ADAM10: variants seen among roughly 807,000 people sequenced by gnomAD.
ADAM10 encodes the protein ADAM metallopeptidase domain 10, also known as disintegrin and metalloproteinase domain-containing protein 10.
Under a neutral mutation model 90.1 loss-of-function variants are expected in ADAM10, and 17 were observed. The observed-to-expected ratio is 0.19, with a 90% CI of 0.13 to 0.28. The LOEUF is 0.28. ADAM10 is among the 10% of genes least tolerant of loss of function. The pLI is 1.00. For synonymous variants in ADAM10, 310 were observed against 298.6 expected, an observed-to-expected ratio of 1.04 and a Z score of -0.40; for missense variants, 610 against 914.3, an observed-to-expected ratio of 0.67 and a Z score of 4.29.
chr15:58,723,686 C>T (rs971814250), intron 1 of ADAM10, among the ~76,000 whole-genome samples: 7 of 152,040 alleles, frequency 4.6e-5, no homozygotes, highest in African/African-American at 1.4e-4. Flanking sequence ...GCCTGGGCAA[C>T]AACAGTGAGC....
intron 2 of ADAM10, among the ~76,000 whole-genome samples, chr15:58,693,604 A>C (rs1311737527): frequency 6.6e-6 from 1 of 152,208 alleles, no homozygotes; most frequent in East Asian, 1.9e-4. Flanking sequence ...ATACAGACTT[A>C]CATGTAAAAC....
chr15:58,691,643 C>A, intron 2 of ADAM10: 1 of 403,232 alleles, frequency 2.5e-6, no homozygotes. Context: ...CTTCTGCCAG[C>A]CCAGAGAAGC....
At chr15:58,669,149 T>C (rs8035960) in intron 4 of ADAM10, among the ~76,000 whole-genome samples, 43,230 of 152,024 alleles carry the variant, frequency 0.28, 8,786 homozygotes, top group African/African-American at 0.57. Flanking sequence ...ATAAATGACA[T>C]AGAACATGCA....
intron 8 of ADAM10, among the ~76,000 whole-genome samples, chr15:58,639,694 A>C (rs1299111042): frequency 6.6e-6 from 1 of 152,224 alleles, no homozygotes; most frequent in Non-Finnish European, 1.5e-5. Context: ...ACATTTTAAA[A>C]CATAGAAGAA....
At chr15:58,617,789 T>A (rs1238846246) in intron 11 of ADAM10, among the ~76,000 whole-genome samples, 1 of 151,812 alleles carries the variant, frequency 6.6e-6, no homozygotes, top group African/African-American at 2.4e-5. Context: ...TCAATCTCAT[T>A]TATAATAGCT....
chr15:58,717,161 T>C (rs1197004306), intron 2 of ADAM10, among the ~76,000 whole-genome samples: 1 of 116,062 alleles, frequency 8.6e-6, no homozygotes, highest in Non-Finnish European at 2.0e-5. Flanking sequence ...GCAGGTAATC[T>C]GTCTACCAGC....
At chr15:58,653,477 T>C (rs554765967) in intron 5 of ADAM10, among the ~76,000 whole-genome samples, 56 of 152,322 alleles carry the variant, frequency 3.7e-4, no homozygotes, top group African/African-American at 1.3e-3. Flanking sequence ...GAAATTATCG[T>C]ATAAGTTTTG....
At chr15:58,748,919 C>G (rs1899881573) in intron 1 of ADAM10, 2 of 398,614 alleles carry the variant, frequency 5.0e-6, no homozygotes, top group Middle Eastern at 6.2e-4. Flanking sequence ...CGGTCAGGAC[C>G]GGCGCGCCGG....
chr15:58,690,796 A>G (rs746133925), intron 2 of ADAM10, among the ~76,000 whole-genome samples: 3 of 152,246 alleles, frequency 2.0e-5, no homozygotes, highest in Non-Finnish European at 4.4e-5. Context: ...GAACAGCAGC[A>G]CTGAGTTCCT....
At chr15:58,646,327 C>T (rs755242488) in intron 5 of ADAM10, 123 bp from the exon 6 acceptor site, 31 of 1,020,926 alleles carry the variant, frequency 3.0e-5, no homozygotes, top group Non-Finnish European at 4.5e-5. Flanking sequence ...GGTATTTCTG[C>T]TGCCATTAAA....
chr15:58,638,263 C>A (rs1259947203), intron 8 of ADAM10, among the ~76,000 whole-genome samples: 1 of 152,018 alleles, frequency 6.6e-6, no homozygotes, highest in Admixed American at 6.5e-5. Context: ...AATGGGGATA[C>A]AAAGTTGACA....
At chr15:58,636,221 G>A (rs1896246306) in intron 8 of ADAM10, among the ~76,000 whole-genome samples, 2 of 151,428 alleles carry the variant, frequency 1.3e-5, no homozygotes, top group South Asian at 4.2e-4. Flanking sequence ...GGGTTGCCAT[G>A]AGCAGAGATC....
chr15:58,628,909 T>C (rs1257395696), intron 9 of ADAM10, among the ~76,000 whole-genome samples: 1 of 152,238 alleles, frequency 6.6e-6, no homozygotes, highest in Non-Finnish European at 1.5e-5. Flanking sequence ...AAAAAATGTG[T>C]CCTCTACTAT....
chr15:58,641,047 T>C, intron 7 of ADAM10, 87 bp from the exon 8 acceptor site: 1 of 1,234,680 alleles, frequency 8.1e-7, no homozygotes, highest in Non-Finnish European at 1.2e-6. Context: ...TGCGTACACC[T>C]GGACAATATG....
chr15:58,709,211 C>A (rs1364629245), intron 2 of ADAM10, among the ~76,000 whole-genome samples: 3 of 152,116 alleles, frequency 2.0e-5, no homozygotes, highest in Non-Finnish European at 4.4e-5. Flanking sequence ...GCCACAACAA[C>A]CTTATAAGGA....
In ADAM10 at chr15:58,669,672, T is replaced by A. The variant is rs1021385172; in HGVS notation, c.485-4475A>T. On this transcript the variant is annotated intron_variant, in intron 4 of 15. Coordinates refer to ENST00000260408, the MANE Select transcript of ADAM10 (RefSeq NM_001110.4). ...ATTTATCTTCTCTTTAATCGACCAA[T>A]ACTTGATGAGTTAATATTAAAAACC... 5.3e-5 allele frequency among the ~76,000 whole-genome samples: 8 copies of A among 152,144 alleles called. No individual in the cohort carries two copies. In the East Asian group the frequency reaches 1.5e-3, roughly 29 times the overall value.
intron 6 of ADAM10, among the ~76,000 whole-genome samples, chr15:58,645,372 CTCCTTTGGTTTCATTCTT>C (rs1453372976): frequency 1.3e-5 from 2 of 152,192 alleles, no homozygotes; most frequent in Non-Finnish European, 2.9e-5. Flanking sequence ...CCAATTTCTT[CTCCTTTGGTTTCATTCTT>C]TCCACATTCA....
At position 58,679,162 on chromosome 15, in the gene ADAM10, A is replaced by C; in HGVS notation, c.446T>G (p.Leu149Arg). The C allele has an allele frequency of 3.1e-6, 5 of 1,614,036 alleles. No homozygotes were observed. Among genetic ancestry groups the C allele is most frequent in the Non-Finnish European group, 4.2e-6 (5 of 1,179,962 alleles). ...PAERYIKDRTLPFHSVIYHED... is the reference protein window; with the variant it reads ...PAERYIKDRTRPFHSVIYHED... Reference sequence around the variant, plus strand: ...ATGATAAATGACAGAGTGAAATGGCAGAGTTCGGTCTTTAATATATCTCTC... The same window carrying C: ...ATGATAAATGACAGAGTGAAATGGCCGAGTTCGGTCTTTAATATATCTCTC... The change falls in exon 4 of 16, where the codon CTG becomes CGG. Residue 149 changes from leucine to arginine, a missense_variant. This residue lies in a region of ADAM10 where 310 missense variants were observed against 362.4 expected (regional missense o/e 0.86). Coordinates refer to ENST00000260408, the MANE Select transcript of ADAM10 (RefSeq NM_001110.4).
At chr15:58,632,021 T>C (rs1896117559) in intron 9 of ADAM10, among the ~76,000 whole-genome samples, 1 of 152,212 alleles carries the variant, frequency 6.6e-6, no homozygotes, top group Non-Finnish European at 1.5e-5. Context: ...GTAGACAACT[T>C]ATTTTTAAAA....
Sources: allele counts gnomAD v4.1 joint callset (sites outside exome capture counted in the v4.1 genomes callset), GRCh38; gene constraint gnomAD v4.1.1; regional missense constraint gnomAD v4.1.1; transcripts MANE v1.5; gene names NCBI Gene and HGNC (gene_info 2026-07-23, HGNC 2026-07-21).